SYT14: variants seen among roughly 807,000 people sequenced by gnomAD.
SYT14 encodes the protein synaptotagmin 14.
In SYT14, 32 loss-of-function variants were observed where a neutral mutation model predicts 74.2. The ratio of observed to expected loss-of-function variants is 0.43; its 90% confidence interval spans 0.33 to 0.58. The LOEUF is 0.58. SYT14 is among the 20% of genes least tolerant of loss of function. SYT14 has a pLI of 0.05. For missense variants in SYT14, 791 were observed against 981.8 expected, an observed-to-expected ratio of 0.81 and a Z score of 2.60; for synonymous variants, 298 against 337.7, an observed-to-expected ratio of 0.88 and a Z score of 1.29.
intron 2 of SYT14, among the ~76,000 whole-genome samples, chr1:209,997,202 G>A (rs1397192556): frequency 6.6e-6 from 1 of 152,002 alleles, no homozygotes; most frequent in Non-Finnish European, 1.5e-5. Context: ...CTGACGATAT[G>A]ATTCTACACG....
At chr1:209,989,658 A>G (rs1174634584) in intron 2 of SYT14, among the ~76,000 whole-genome samples, 1 of 152,204 alleles carries the variant, frequency 6.6e-6, no homozygotes, top group African/African-American at 2.4e-5. Flanking sequence ...GATAATGTGT[A>G]TTATATTTAC....
chr1:210,163,617 G>A (rs986763484), exon 10 of SYT14: 7 of 453,240 alleles, frequency 1.5e-5, no homozygotes, highest in Middle Eastern at 6.8e-4. Context: ...TATTATATTT[G>A]GTTTGGGTTG....
chr1:210,086,017 T>C (rs988440596), intron 5 of SYT14, among the ~76,000 whole-genome samples: 2 of 152,208 alleles, frequency 1.3e-5, no homozygotes, highest in African/African-American at 2.4e-5. Context: ...TGGAATTTTC[T>C]TTATTGGGGA....
At chr1:210,012,649 A>G (rs773583151) in intron 2 of SYT14, among the ~76,000 whole-genome samples, 1 of 152,154 alleles carries the variant, frequency 6.6e-6, no homozygotes, top group Non-Finnish European at 1.5e-5. Flanking sequence ...ATGTGTTCTC[A>G]TAAATTTTGT....
chr1:210,056,290 C>G (rs2081094969), intron 5 of SYT14, among the ~76,000 whole-genome samples: 1 of 151,698 alleles, frequency 6.6e-6, no homozygotes, highest in African/African-American at 2.4e-5. Context: ...GAGAATTGAA[C>G]CAACTAAAAG....
chr1:209,939,954 C>G (rs544646910), intron 1 of SYT14, among the ~76,000 whole-genome samples: 116 of 152,202 alleles, frequency 7.6e-4, no homozygotes, highest in Non-Finnish European at 1.4e-3. Context: ...ACTCTGCCTA[C>G]TGCTTAACAT....
intron 2 of SYT14, among the ~76,000 whole-genome samples, chr1:209,960,789 T>G (rs2079064536): frequency 6.6e-6 from 1 of 152,204 alleles, no homozygotes; most frequent in Non-Finnish European, 1.5e-5. Context: ...TTACAAATTA[T>G]GGGGCTACAA....
At chr1:210,032,242 T>TA (rs2080554523) in intron 5 of SYT14, among the ~76,000 whole-genome samples, 1 of 152,138 alleles carries the variant, frequency 6.6e-6, no homozygotes, top group East Asian at 1.9e-4. Context: ...ATCAATGCAG[T>TA]TGAATTTCAG....
At chr1:210,155,615 C>G in intron 7 of SYT14, 106 bp from the exon 7 acceptor site, 1 of 1,227,612 alleles carries the variant, frequency 8.1e-7, no homozygotes, top group Non-Finnish European at 1.2e-6. Flanking sequence ...TGCAACTCAT[C>G]TTTATTGTGA....
At chr1:209,958,422 A>G (rs1298937206) in intron 2 of SYT14, among the ~76,000 whole-genome samples, 1 of 150,948 alleles carries the variant, frequency 6.6e-6, no homozygotes, top group Non-Finnish European at 1.5e-5. Context: ...TTCCTTAAAA[A>G]CAAAAAGCCT....
At position 210,005,422 on chromosome 1, in the gene SYT14, G is replaced by A. The variant is rs72649934; in HGVS notation, c.-485-8211G>A. ...TAACCAGAATATTCCCCTGCAATTG[G>A]TGTTGAATTCAAAATCTTACTCATA... On this transcript the variant is annotated intron_variant, in intron 2 of 9. Transcript: ENST00000637265. Among the ~76,000 whole-genome samples, 2,369 of 152,006 alleles carry A rather than the reference G, an allele frequency of 0.016. 188 individuals are homozygous for A. In the East Asian group the frequency reaches 0.25, roughly 16 times the overall value.
chr1:209,946,515 C>T (rs978464922), intron 1 of SYT14, among the ~76,000 whole-genome samples: 2 of 152,154 alleles, frequency 1.3e-5, no homozygotes, highest in Non-Finnish European at 2.9e-5. Flanking sequence ...AAAGCCTAAT[C>T]CAGAGTAAGT....
chr1:209,977,785 A>G (rs915354153), intron 2 of SYT14, among the ~76,000 whole-genome samples: 2 of 152,178 alleles, frequency 1.3e-5, no homozygotes, highest in Non-Finnish European at 2.9e-5. Context: ...CTCTTGGATA[A>G]TATCCTGCAG....
chr1:210,026,952 A>G (rs1184807095), intron 5 of SYT14, among the ~76,000 whole-genome samples: 2 of 152,082 alleles, frequency 1.3e-5, no homozygotes, highest in African/African-American at 4.8e-5. Flanking sequence ...GACTTTGCAT[A>G]GTTAAAGTTA....
chr1:210,147,696 C>T (rs1239476119), intron 7 of SYT14, among the ~76,000 whole-genome samples: 3 of 152,034 alleles, frequency 2.0e-5, no homozygotes, highest in Admixed American at 2.0e-4. Context: ...AAACATAATA[C>T]AATAAGTATA....
chr1:209,992,706 C>T (rs1278387632), intron 2 of SYT14, among the ~76,000 whole-genome samples: 3 of 152,056 alleles, frequency 2.0e-5, no homozygotes, highest in Admixed American at 6.6e-5. Context: ...AAATGTAAAC[C>T]ATGCTTGCTT....
chr1:210,129,887 G>A (rs2082639433), intron 7 of SYT14, among the ~76,000 whole-genome samples: 1 of 152,100 alleles, frequency 6.6e-6, no homozygotes, highest in African/African-American at 2.4e-5. Context: ...TTGATTTGTG[G>A]GGCCTGAGTA....
intron 5 of SYT14, among the ~76,000 whole-genome samples, chr1:210,086,305 G>T (rs577120775): frequency 6.6e-6 from 1 of 152,270 alleles, no homozygotes; most frequent in East Asian, 1.9e-4. Flanking sequence ...TTTGTGGGAA[G>T]ATACTGTGTA....
chr1:209,952,333 CT>C (rs982517374), intron 1 of SYT14, among the ~76,000 whole-genome samples: 2 of 152,058 alleles, frequency 1.3e-5, no homozygotes, highest in South Asian at 2.1e-4. Flanking sequence ...CAGGATTGAC[CT>C]TTCAATAACT....
Sources: allele counts gnomAD v4.1 joint callset (sites outside exome capture counted in the v4.1 genomes callset), GRCh38; gene constraint gnomAD v4.1.1; transcripts MANE v1.5; gene names NCBI Gene and HGNC (gene_info 2026-07-23, HGNC 2026-07-21).